Variants in TNIK observed in about 807,000 individuals in gnomAD.
The protein encoded by TNIK is TRAF2 and NCK-interacting protein kinase.
In TNIK, 49 loss-of-function variants were observed where a neutral mutation model predicts 191.3. The ratio of observed to expected loss-of-function variants is 0.26; its 90% CI spans 0.20 to 0.32. The LOEUF (loss-of-function observed/expected upper bound fraction) is 0.32, where lower values mean the gene tolerates loss of function less well. Among genes scored for constraint, TNIK ranks in the 10% least tolerant of loss-of-function variants. The probability of loss-of-function intolerance (pLI) is 1.00; values close to 1 mark genes in which losing one functional copy is unlikely to be tolerated. For missense variants in TNIK, 1,155 were observed against 1,702.3 expected, an observed-to-expected ratio of 0.68 and a Z score of 5.66; for synonymous variants, 594 against 600.9, an observed-to-expected ratio of 0.99 and a Z score of 0.17.
At chr3:171,244,391 A>G (rs973772741) in intron 2 of TNIK, among the ~76,000 whole-genome samples, 4 of 152,150 alleles carry the variant, frequency 2.6e-5, no homozygotes, top group African/African-American at 9.7e-5. Context: ...CTTTGTGCTT[A>G]CTTAGTGCTA....
At chr3:171,283,182 A>G (rs1361201386) in intron 2 of TNIK, among the ~76,000 whole-genome samples, 1 of 150,636 alleles carries the variant, frequency 6.6e-6, no homozygotes, top group Non-Finnish European at 1.5e-5. Context: ...AAAGCCCCTC[A>G]TGTAATGTTA....
intron 5 of TNIK, 55 bp from the exon 6 acceptor site, chr3:171,190,842 T>C: frequency 7.4e-7 from 1 of 1,359,376 alleles, no homozygotes; most frequent in Admixed American, 2.2e-5. Context: ...AAGATGCCAA[T>C]AAATTATTTT....
intron 2 of TNIK, among the ~76,000 whole-genome samples, chr3:171,357,324 T>C (rs1339981136): frequency 1.3e-5 from 2 of 151,728 alleles, no homozygotes; most frequent in Non-Finnish European, 2.9e-5. Flanking sequence ...TCTCCCTTTG[T>C]GGCCCAGGCT....
intron 18 of TNIK, among the ~76,000 whole-genome samples, chr3:171,120,323 CTTTTT>C (rs397691045): frequency 1.5e-5 from 2 of 136,402 alleles, no homozygotes; most frequent in East Asian, 4.1e-4. Context: ...TTTTTTCTTT[CTTTTT>C]TTTTTTTTTT....
chr3:171,185,150 A>G (rs1390155615), intron 7 of TNIK, among the ~76,000 whole-genome samples: 1 of 149,688 alleles, frequency 6.7e-6, no homozygotes, highest in African/African-American at 2.5e-5. Context: ...AATACTATTA[A>G]GTTTTTCCAG....
rs1258948293 is a variant in TNIK at position 171,312,745 on chromosome 3, G to A, written c.123+56875C>T. ...GCTCTTTTTTCAGCTGGAATGTCAC[G>A]ATGTCCAGTTTATTCATTCATGGCC... On this transcript the variant is annotated intron_variant, in intron 2 of 32. Coordinates refer to ENST00000436636, the MANE Select transcript of TNIK (RefSeq NM_015028.4). Among the ~76,000 whole-genome samples, 5 of 151,958 alleles carry A rather than the reference G, an allele frequency of 3.3e-5. No individual in the cohort carries two copies. In the East Asian group the frequency reaches 5.8e-4, roughly 18 times the overall value.
intron 1 of TNIK, among the ~76,000 whole-genome samples, chr3:171,376,728 T>C (rs879222737): frequency 7.2e-6 from 1 of 138,790 alleles, no homozygotes; most frequent in African/African-American, 3.3e-5. Flanking sequence ...CATAAATATA[T>C]ACAGATAGAT....
chr3:171,175,945 C>T (rs1482095733), intron 8 of TNIK, among the ~76,000 whole-genome samples: 1 of 152,174 alleles, frequency 6.6e-6, no homozygotes, highest in Non-Finnish European at 1.5e-5. Flanking sequence ...TTAAGTCACA[C>T]AGAGTCTGGC....
intron 1 of TNIK, among the ~76,000 whole-genome samples, chr3:171,444,974 C>T (rs912863844): frequency 2.0e-5 from 3 of 152,012 alleles, no homozygotes; most frequent in Admixed American, 1.3e-4. Context: ...CTTGGCCTCC[C>T]AAAGTGCTGG....
chr3:171,367,344 AAC>A (rs1715868660), intron 2 of TNIK, among the ~76,000 whole-genome samples: 1 of 152,182 alleles, frequency 6.6e-6, no homozygotes, highest in Non-Finnish European at 1.5e-5. Context: ...GGCCTCAGGA[AAC>A]ACAGGGTCTG....
chr3:171,112,428 A>C (rs758504823), intron 18 of TNIK, among the ~76,000 whole-genome samples: 10 of 151,990 alleles, frequency 6.6e-5, no homozygotes, highest in Non-Finnish European at 1.5e-4. Context: ...TGGATGGTGA[A>C]TCTTCAAAGA....
chr3:171,456,760 A>G (rs1728840445), intron 1 of TNIK, among the ~76,000 whole-genome samples: 1 of 152,208 alleles, frequency 6.6e-6, no homozygotes, highest in African/African-American at 2.4e-5. Flanking sequence ...CAATAAATAA[A>G]ATTCCCTGAC....
chr3:171,085,344 G>T lies in TNIK; in HGVS notation c.2887-115C>A, dbSNP rs1300931156. ...CACAGATTCTTCAAGGTATTCAGGT[G>T]TTCACATTCTAGTGCTCTAGTCAGT... On this transcript the variant is annotated intron_variant, in intron 24 of 32. Coordinates refer to ENST00000436636, the MANE Select transcript of TNIK (RefSeq NM_015028.4). 52 of 993,192 alleles carry T rather than the reference G, an allele frequency of 5.2e-5. 1 individual carries two copies. The highest frequency in any genetic ancestry group is 2.8e-4 in the Middle Eastern group (1 of 3,528). 61.5% of individuals were successfully genotyped at this position (993,192 alleles called of 1,614,324 possible).
intron 9 of TNIK, among the ~76,000 whole-genome samples, chr3:171,168,209 G>A (rs1734847811): frequency 6.6e-6 from 1 of 152,192 alleles, no homozygotes; most frequent in Admixed American, 6.5e-5. Context: ...ATTGTTCAGA[G>A]TCATCAATAA....
chr3:171,208,392 ATGAAATTAC>A (rs1307805134), intron 4 of TNIK, among the ~76,000 whole-genome samples: 2 of 152,202 alleles, frequency 1.3e-5, no homozygotes, highest in Non-Finnish European at 2.9e-5. Context: ...TGCTTTTAAA[ATGAAATTAC>A]TGAAATTACT....
At chr3:171,390,065 G>A (rs1433579310) in intron 1 of TNIK, among the ~76,000 whole-genome samples, 2 of 152,120 alleles carry the variant, frequency 1.3e-5, no homozygotes, top group Non-Finnish European at 2.9e-5. Flanking sequence ...AAGTAATTAA[G>A]GTTCTCATGC....
At chr3:171,426,705 G>A (rs1413638297) in intron 1 of TNIK, among the ~76,000 whole-genome samples, 1 of 152,034 alleles carries the variant, frequency 6.6e-6, no homozygotes, top group Non-Finnish European at 1.5e-5. Context: ...CCACTCCTGG[G>A]CACCTGTCCT....
intron 2 of TNIK, among the ~76,000 whole-genome samples, chr3:171,312,214 G>T (rs1754116411): frequency 6.6e-6 from 1 of 151,012 alleles, no homozygotes; most frequent in Admixed American, 6.6e-5. Context: ...AATATGGGGG[G>T]ACTGGAAGGA....
intron 3 of TNIK, among the ~76,000 whole-genome samples, chr3:171,224,519 A>C (rs1337903697): frequency 6.6e-6 from 1 of 152,130 alleles, no homozygotes; most frequent in Non-Finnish European, 1.5e-5. Context: ...GGTGGCCAGA[A>C]AGAAGTAAAT....
Sources: gnomAD v4.1 joint callset for allele counts (sites outside exome capture counted in the v4.1 genomes callset) on GRCh38, gnomAD v4.1.1 for gene constraint, MANE v1.5 for transcripts, NCBI Gene and HGNC (gene_info 2026-07-23, HGNC 2026-07-21) for gene names.